The following MUC5B variants were observed in gnomAD, a reference collection of about 807,000 sequenced individuals.
The protein encoded by MUC5B is mucin-5B.
In MUC5B, 116 loss-of-function variants were observed where a neutral mutation model predicts 376.9. The ratio of observed to expected loss-of-function variants is 0.31; its 90% confidence interval spans 0.26 to 0.36. The LOEUF is 0.36. MUC5B is among the 10% of genes least tolerant of loss of function. The probability of loss-of-function intolerance (pLI) is 1.00; values close to 1 mark genes in which losing one functional copy is unlikely to be tolerated. For synonymous variants in MUC5B, 3,517 were observed against 3,390.9 expected (o/e 1.04, Z -1.29); for missense variants, 7,165 against 7,769.9 (o/e 0.92, Z 2.93).
Position 1,230,493 on chromosome 11 carries a change from T to C in MUC5B, c.1363T>C (p.Cys455Arg). 6.2e-7 allele frequency: 1 copy of C among 1,604,818 alleles called. No homozygotes were observed. ...GDCSYVLSKK[C>R]ADSSFTVLAE... The stretch of plus-strand genomic sequence containing the variant: ...ACGCGTGGGTCCTTCTCCCCAGAAA[T>C]GTGCCGACAGCAGCTTCACCGTGCT... The change falls in exon 12 of 49, where the codon TGT becomes CGT. Residue 455 changes from cysteine to arginine, a missense_variant. Around this residue, in one of 31 missense-constraint regions of MUC5B, gnomAD observed 640 missense variants for 733.0 expected, o/e 0.87. Coordinates refer to ENST00000529681, the MANE Select transcript of MUC5B (RefSeq NM_002458.3).
intron 18 of MUC5B, among the ~76,000 whole-genome samples, 175 bp downstream of exon 18, chr11:1,233,443 G>C (rs1862079796): frequency 6.6e-6 from 1 of 152,164 alleles, no homozygotes; most frequent in African/African-American, 2.4e-5. Context: ...AGCTGGGAAA[G>C]AGGCCAGGAG....
At position 1,248,469 on chromosome 11, in the gene MUC5B, C is replaced by T. The variant is rs1440862017; in HGVS notation, c.11589C>T (p.Thr3863=). ...CCACCCCAGGAACAGCTCACACTAC[C>T]AAAGTGCCGACTACCACAACCACGG... is the stretch of plus-strand genomic sequence containing the variant. ...PSSTPGTAHT[T]KVPTTTTTGF... Residue 3863 remains threonine, a synonymous_variant, in exon 31 of 49, where the codon ACC becomes ACT. Coordinates refer to ENST00000529681, the MANE Select transcript of MUC5B (RefSeq NM_002458.3). 9 of 1,611,032 alleles carry T rather than the reference C, an allele frequency of 5.6e-6. No individual in the cohort carries two copies. Among genetic ancestry groups the T allele is most frequent in the Non-Finnish European group, 7.6e-6 (9 of 1,178,210 alleles).
rs542570260 is a variant in MUC5B at position 1,245,397 on chromosome 11, C to G, written c.8517C>G (p.Thr2839=). The G allele has an allele frequency of 1.1e-4, 163 of 1,548,920 alleles. 10 individuals are homozygous for G. The East Asian group carries it at 3.0e-3, about 29-fold the overall frequency. ...TPGHTRATSR[T]TATATPSKTR... ...GCCACACCAGGGCCACCTCCAGGAC[C>G]ACGGCCACGGCCACACCCAGCAAGA... The change falls in exon 31 of 49, where the codon ACC becomes ACG. Residue 2839 remains threonine, a synonymous_variant. Coordinates refer to ENST00000529681, the MANE Select transcript of MUC5B (RefSeq NM_002458.3).
intron 23 of MUC5B, 69 bp downstream of exon 23, chr11:1,235,482 G>A (rs773261913): frequency 5.0e-5 from 68 of 1,361,490 alleles, no homozygotes; most frequent in Admixed American, 9.6e-5. Flanking sequence ...GGGAAGCTTC[G>A]TGAGGCTTTA....
chr11:1,239,688 G>A lies in MUC5B; in HGVS notation c.3584-111G>A, dbSNP rs553115401. 1.1e-4 allele frequency: 170 copies of A among 1,494,498 alleles called. 1 individual carries two copies. In the South Asian group the frequency reaches 1.6e-3, roughly 14 times the overall value. The allele number at this position is 1,494,498 out of a possible 1,614,324, so 92.6% of individuals were successfully genotyped here. Reference sequence around the variant, plus strand: ...GTAAACTGCACAATGCAAGCCTTGAGGGCAGGCCCCTGCTGGCTGGTGGGG... The same window carrying A: ...GTAAACTGCACAATGCAAGCCTTGAAGGCAGGCCCCTGCTGGCTGGTGGGG... On this transcript the variant is annotated intron_variant, in intron 27 of 48. Coordinates refer to ENST00000529681, the MANE Select transcript of MUC5B (RefSeq NM_002458.3).
At position 1,234,345 on chromosome 11, in the gene MUC5B, G is replaced by A. The variant is rs1862108404; in HGVS notation, c.2478+40G>A. On this transcript the variant is annotated intron_variant, in intron 20 of 48. Coordinates refer to ENST00000529681, the MANE Select transcript of MUC5B (RefSeq NM_002458.3). The surrounding 1 kb of genome is among the most constrained non-coding windows in gnomAD (Gnocchi z 6.3). ...TCAGGGAGGGGTGGGCAGGGAAGGG[G>A]TCCCAGCTTTCCCAGCTCCCGAGCC... is the stretch of plus-strand genomic sequence containing the variant. The A allele has an allele frequency of 1.3e-6, 2 of 1,538,320 alleles. No individual in the cohort carries two copies. Among genetic ancestry groups the A allele is most frequent in the African/African-American group, 1.4e-5 (1 of 73,346 alleles).
intron 7 of MUC5B, among the ~76,000 whole-genome samples, chr11:1,228,268 G>A (rs927962060): frequency 4.6e-5 from 7 of 152,202 alleles, no homozygotes; most frequent in African/African-American, 1.2e-4. Flanking sequence ...CCAGAGAGGC[G>A]GGGCCTCCAC....
Position 1,228,723 on chromosome 11 carries a change from G to A in MUC5B, c.934G>A (p.Ala312Thr), listed in dbSNP as rs986556354. The change falls in exon 8 of 49, where the codon GCG becomes ACG. Residue 312 changes from alanine to threonine, a missense_variant. Ala to Thr is a moderately conservative substitution (Grantham distance 58, BLOSUM62 0). Transcript: ENST00000529681. ...GGAATACTCACGCCAGTGCGCCCAC[G>A]CGGGGGGCCAGCCGCGGAACTGGAG... ...FVEYSRQCAH[A>T]GGQPRNWRCP... 5.8e-5 allele frequency: 88 copies of A among 1,525,000 alleles called. No homozygotes were observed. The highest frequency in any genetic ancestry group is 7.0e-5 in the Non-Finnish European group (80 of 1,138,760). 94.5% of individuals were successfully genotyped at this position (1,525,000 alleles called of 1,614,324 possible).
Position 1,245,811 on chromosome 11 carries a change from C to A in MUC5B, c.8931C>A (p.Thr2977=). 3 of 1,613,400 alleles carry A rather than the reference C, an allele frequency of 1.9e-6. No homozygotes were observed. The highest frequency in any genetic ancestry group is 1.1e-5 in the South Asian group (1 of 91,066). ...GCCACTGCCCCAGCACCCCGGCCAC[C>A]AGCTCTACGGCCACGCCCTCCTCCA... ...NYGHCPSTPA[T]SSTATPSSTP... is the part of the protein sequence containing the mutation. Residue 2977 remains threonine (T), a synonymous_variant, in exon 31 of 49, where the codon ACC becomes ACA. Coordinates refer to ENST00000529681, the MANE Select transcript of MUC5B (RefSeq NM_002458.3).
Position 1,239,111 on chromosome 11 carries a change from A to G in MUC5B, c.3454+84A>G, listed in dbSNP as rs1243084543. 4.7e-6 allele frequency: 7 copies of G among 1,491,798 alleles called. 1 individual carries two copies. The highest frequency in any genetic ancestry group is 3.4e-4 in the Middle Eastern group (2 of 5,894). 92.4% of individuals were successfully genotyped at this position (1,491,798 alleles called of 1,614,324 possible). A position where few individuals can be genotyped will look rare whatever the true frequency, so the allele number is the denominator to read the frequency against. ...TGTGGCAGCCTCCGAAGGTGCATTG[A>G]CCTGGGCCTGAGCCGCACACAGACA... On this transcript the variant is annotated intron_variant, in intron 26 of 48. Transcript: ENST00000529681.
rs1490317522 is a variant in MUC5B at position 1,243,738 on chromosome 11, C to A, written c.6858C>A (p.Ala2286=). Residue 2286 remains alanine (A), a synonymous_variant, in exon 31 of 49, where the codon GCC becomes GCA. Transcript: ENST00000529681. ...CCACCTCCAGGACCACAGCCACGGC[C>A]ACACCCAGCAAGACCCGCACCTCGA... ...TTATSRTTAT[A]TPSKTRTSTL... The A allele has an allele frequency of 1.2e-6, 2 of 1,611,754 alleles. No individual in the cohort carries two copies. The highest frequency in any genetic ancestry group is 1.3e-5 in the African/African-American group (1 of 74,938).
At position 1,241,680 on chromosome 11, in the gene MUC5B, C is replaced by T. The variant is rs771255574; in HGVS notation, c.4800C>T (p.Asp1600=). Residue 1600 remains aspartate (D), a synonymous_variant, in exon 31 of 49, where the codon GAC becomes GAT. Transcript: ENST00000529681. ...NYRIRVLCCS[D]DHCRGRATTP... ...GGATCCGGGTCCTCTGCTGCAGTGA[C>T]GACCACTGCAGGGGACGTGCCACAA... 2.4e-5 allele frequency: 38 copies of T among 1,612,106 alleles called. No individual in the cohort carries two copies. The highest frequency in any genetic ancestry group is 6.7e-5 in the East Asian group (3 of 44,850).
At position 1,248,082 on chromosome 11, in the gene MUC5B, C is replaced by T. The variant is rs1334853680; in HGVS notation, c.11202C>T (p.Pro3734=). The T allele has an allele frequency of 1.2e-6, 2 of 1,603,210 alleles. No homozygotes were observed. The highest frequency in any genetic ancestry group is 1.7e-6 in the Non-Finnish European group (2 of 1,175,612). The change falls in exon 31 of 49, where the codon CCC becomes CCT. Residue 3734 remains proline, a synonymous_variant. Transcript: ENST00000529681. ...EPSTTATVTV[P]TGSTATASST... Reference sequence around the variant, plus strand: ...GCACTACAGCCACCGTGACGGTGCCCACCGGATCCACGGCCACCGCCTCCT... The same window carrying T: ...GCACTACAGCCACCGTGACGGTGCCTACCGGATCCACGGCCACCGCCTCCT...
Position 1,230,153 on chromosome 11 carries a change from TG to T in MUC5B, c.1359+14del. 6.3e-7 allele frequency: 1 copy of T among 1,584,384 alleles called. No individual in the cohort carries two copies. On this transcript the variant is annotated intron_variant, in intron 11 of 48. Transcript: ENST00000529681. ...CTACGTTCTGTCCAAGGTCTGGGCT[TG>T]GGGCCGGGTCTTCAGACACCCAGAC... is the stretch of plus-strand genomic sequence containing the variant.
At position 1,242,832 on chromosome 11, in the gene MUC5B, C is replaced by G; in HGVS notation, c.5952C>G (p.Pro1984=). 1 of 1,613,462 alleles carries G rather than the reference C, an allele frequency of 6.2e-7. No homozygotes were observed. The highest frequency in any genetic ancestry group is 8.5e-7 in the Non-Finnish European group (1 of 1,179,700). Residue 1984 remains proline (P), a synonymous_variant, in exon 31 of 49, where the codon CCC becomes CCG. Transcript: ENST00000529681. ...CAGCTACCAGCGTTACACCCATCCC[C>G]TCTTCCTCCCTGGGCACCACCTGGA... ...TPTATSVTPI[P]SSSLGTTWTR...
At chr11:1,232,350 C>A in intron 15 of MUC5B, 100 bp from the exon 16 acceptor site, 1 of 1,420,014 alleles carries the variant, frequency 7.0e-7, no homozygotes, top group Non-Finnish European at 9.6e-7. Context: ...GCCGCAAATT[C>A]CAACTCACTG....
Position 1,238,053 on chromosome 11 carries a change from C to T in MUC5B, c.3298-818C>T, listed in dbSNP as rs148475979. On this transcript the variant is annotated intron_variant, in intron 25 of 48. Transcript: ENST00000529681. ...TCTCATGTCGGCCGCCGCTTGCCCTCTTGAGAAGGCAGCTGGTGACCCCTT... is the reference window on the plus strand; with the variant it reads ...TCTCATGTCGGCCGCCGCTTGCCCTTTTGAGAAGGCAGCTGGTGACCCCTT... Among the ~76,000 whole-genome samples the T allele has an allele frequency of 2.1e-3, 327 of 152,306 alleles. 1 individual carries two copies. Among genetic ancestry groups the T allele is most frequent in the African/African-American group, 7.2e-3 (301 of 41,568 alleles).
Position 1,236,400 on chromosome 11 carries a change from C to T in MUC5B, c.2895C>T (p.Ile965=), listed in dbSNP as rs1564935767. ...CTCCCCTGCAGAGCTACGAGCTGAT[C>T]CTCCAAGAGGGGACCTTTAAGGCGG... The part of the protein sequence containing the change: ...IKLFVESYEL[I]LQEGTFKAVA... The change falls in exon 24 of 49, where the codon ATC becomes ATT. Residue 965 remains isoleucine (I), a synonymous_variant. Coordinates refer to ENST00000529681, the MANE Select transcript of MUC5B (RefSeq NM_002458.3). 1 of 1,609,596 alleles carries T rather than the reference C, an allele frequency of 6.2e-7. No individual in the cohort carries two copies. Among genetic ancestry groups the T allele is most frequent in the Non-Finnish European group, 8.5e-7 (1 of 1,177,652 alleles).
Position 1,251,340 on chromosome 11 carries a change from T to G in MUC5B, c.14460T>G (p.Thr4820=), listed in dbSNP as rs771200093. 12 of 1,561,270 alleles carry G rather than the reference T, an allele frequency of 7.7e-6. No individual in the cohort carries two copies. The highest frequency in any genetic ancestry group is 1.1e-5 in the Non-Finnish European group (12 of 1,140,146). Residue 4820 remains threonine, a synonymous_variant, in exon 31 of 49, where the codon ACT becomes ACG. Coordinates refer to ENST00000529681, the MANE Select transcript of MUC5B (RefSeq NM_002458.3). ...SSTLGTTRIL[T]ELTTTATTTA... ...CTCTGGGGACGACCCGGATCCTCAC[T>G]GAGCTGACCACAACAGCCACTACAA... is the stretch of plus-strand genomic sequence containing the variant.
Sources: allele counts gnomAD v4.1 joint callset (sites outside exome capture counted in the v4.1 genomes callset), GRCh38; gene constraint gnomAD v4.1.1; regional missense constraint gnomAD v4.1.1; non-coding constraint Gnocchi (gnomAD v3.1); transcripts MANE v1.5; gene names NCBI Gene and HGNC (gene_info 2026-07-23, HGNC 2026-07-21).